The following FOXJ3 variants were observed in gnomAD, a reference collection of about 807,000 sequenced individuals.
FOXJ3 encodes the protein forkhead box protein J3.
FOXJ3 carries 22 observed loss-of-function variants against 76.1 expected under a neutral mutation model. That is an observed-to-expected ratio of 0.29 (90% CI 0.21 to 0.41). FOXJ3 has a LOEUF of 0.41. Among genes scored for constraint, FOXJ3 ranks in the 10% least tolerant of loss-of-function variants. FOXJ3 has a pLI of 1.00. For missense variants in FOXJ3, 613 were observed against 762.1 expected (o/e 0.80, Z 2.30); for synonymous variants, 269 against 261.2 (o/e 1.03, Z -0.29).
chr1:42,295,551 C>G (rs1352987832), intron 2 of FOXJ3, among the ~76,000 whole-genome samples: 1 of 110,002 alleles, frequency 9.1e-6, no homozygotes, highest in Non-Finnish European at 1.7e-5. Context: ...TTTGGTGAGA[C>G]ACAGTCTCAC....
At chr1:42,320,630 T>C (rs887269477) in intron 1 of FOXJ3, among the ~76,000 whole-genome samples, 1 of 152,182 alleles carries the variant, frequency 6.6e-6, no homozygotes, top group African/African-American at 2.4e-5. Context: ...AGGTATACGA[T>C]ATTAGATCAC....
At chr1:42,207,319 TTTTA>T (rs1646880321) in intron 5 of FOXJ3, among the ~76,000 whole-genome samples, 2 of 152,182 alleles carry the variant, frequency 1.3e-5, no homozygotes, top group African/African-American at 2.4e-5. Flanking sequence ...TCAGTTATAG[TTTTA>T]TTTTTCTTCC....
chr1:42,190,055 G>A (rs1055577574), intron 9 of FOXJ3, among the ~76,000 whole-genome samples: 4 of 152,204 alleles, frequency 2.6e-5, no homozygotes, highest in Admixed American at 2.6e-4. Context: ...ATGAATCCAC[G>A]TCAGGGCATT....
intron 5 of FOXJ3, among the ~76,000 whole-genome samples, chr1:42,218,503 G>A (rs181370948): frequency 6.6e-6 from 1 of 152,296 alleles, no homozygotes; most frequent in East Asian, 1.9e-4. Flanking sequence ...GGGCCAATAT[G>A]TTTAGGATAG....
At chr1:42,315,648 T>A (rs1452531524) in intron 1 of FOXJ3, among the ~76,000 whole-genome samples, 1 of 152,180 alleles carries the variant, frequency 6.6e-6, no homozygotes, top group Non-Finnish European at 1.5e-5. Context: ...CAAACATATA[T>A]CAGTCTTCTC....
At chr1:42,235,198 G>A (rs547771201) in intron 4 of FOXJ3, among the ~76,000 whole-genome samples, 116 of 152,316 alleles carry the variant, frequency 7.6e-4, no homozygotes, top group Non-Finnish European at 1.3e-3. Flanking sequence ...AGGACCCTCC[G>A]AGCCAGGCAC....
intron 5 of FOXJ3, among the ~76,000 whole-genome samples, chr1:42,216,178 C>T (rs571331790): frequency 6.6e-6 from 1 of 152,144 alleles, no homozygotes; most frequent in African/African-American, 2.4e-5. Flanking sequence ...CCTGGACCTT[C>T]TGAAACAAAT....
intron 4 of FOXJ3, among the ~76,000 whole-genome samples, chr1:42,260,478 A>G (rs1354585277): frequency 1.3e-5 from 2 of 152,154 alleles, no homozygotes; most frequent in Non-Finnish European, 2.9e-5. Flanking sequence ...AGGCAGGATG[A>G]TCACTTGAGG....
chr1:42,325,482 C>T (rs1655778778), intron 1 of FOXJ3, among the ~76,000 whole-genome samples: 1 of 152,156 alleles, frequency 6.6e-6, no homozygotes, highest in Non-Finnish European at 1.5e-5. Flanking sequence ...TGGCAGGGAC[C>T]CTGCCTTAGT....
At chr1:42,300,765 G>A (rs1654090131) in intron 2 of FOXJ3, among the ~76,000 whole-genome samples, 1 of 152,106 alleles carries the variant, frequency 6.6e-6, no homozygotes, top group Non-Finnish European at 1.5e-5. Context: ...CCAGCAGACT[G>A]AGACCCTGTC....
At chr1:42,328,914 G>A (rs1468952266) in intron 1 of FOXJ3, among the ~76,000 whole-genome samples, 1 of 151,954 alleles carries the variant, frequency 6.6e-6, no homozygotes, top group East Asian at 1.9e-4. Flanking sequence ...TGATCCGCCT[G>A]CCTCGGCCTC....
intron 1 of FOXJ3, among the ~76,000 whole-genome samples, chr1:42,327,772 ATCAATCTTATT>A (rs540297178): frequency 6.6e-6 from 1 of 152,304 alleles, no homozygotes; most frequent in East Asian, 1.9e-4. Flanking sequence ...CAATCAGAAG[ATCAATCTTATT>A]TCCTTAGTAA....
chr1:42,271,047 C>T (rs577562632), intron 3 of FOXJ3, among the ~76,000 whole-genome samples: 1 of 152,250 alleles, frequency 6.6e-6, no homozygotes, highest in South Asian at 2.1e-4. Flanking sequence ...TTCTTCCCTC[C>T]CAGCTTCTTT....
chr1:42,267,651 T>C (rs1194955355), intron 3 of FOXJ3, among the ~76,000 whole-genome samples: 1 of 151,712 alleles, frequency 6.6e-6, no homozygotes, highest in African/African-American at 2.4e-5. Context: ...ACTCAGGTGT[T>C]AGAACTATCA....
At chr1:42,262,347 T>C (rs1209515368) in intron 4 of FOXJ3, among the ~76,000 whole-genome samples, 1 of 152,232 alleles carries the variant, frequency 6.6e-6, no homozygotes, top group Non-Finnish European at 1.5e-5. Context: ...CTGTTCCTCA[T>C]CTACTGGCCT....
chr1:42,290,433 GA>G lies in FOXJ3; in HGVS notation c.45-11762del, dbSNP rs546915232. 7.6e-4 allele frequency among the ~76,000 whole-genome samples: 115 copies of G among 152,088 alleles called. 1 individual carries two copies. The highest frequency in any genetic ancestry group is 7.5e-4 in the Non-Finnish European group (51 of 67,984). On this transcript the variant is annotated intron_variant, in intron 2 of 12. Transcript: ENST00000361346. ...ATCATTAAAATTCCATGCATGGTAT[GA>G]AAAGGAGTGAAAAAATGTGAAGATA...
intron 2 of FOXJ3, among the ~76,000 whole-genome samples, chr1:42,290,259 A>G (rs1653333966): frequency 6.6e-6 from 1 of 152,124 alleles, no homozygotes; most frequent in Non-Finnish European, 1.5e-5. Context: ...ATAAGTAGGA[A>G]TAAGTTAAGC....
rs11554182 is a variant in FOXJ3 at position 42,177,854 on chromosome 1, T to C, written c.*1856A>G. On this transcript the variant is annotated 3_prime_UTR_variant, in exon 13 of 13. Transcript: ENST00000361346. Reference sequence around the variant, plus strand: ...AGTTCAAGTAGAGATTACTCAACCATAGAATCACTAAGGCTAATTAAAGTG... The same window carrying C: ...AGTTCAAGTAGAGATTACTCAACCACAGAATCACTAAGGCTAATTAAAGTG... 0.081 allele frequency: 12,320 copies of C among 152,426 alleles called. 675 individuals carry two copies. The highest frequency in any genetic ancestry group is 0.15 in the Middle Eastern group (45 of 294). 9.4% of individuals were successfully genotyped at this position (152,426 alleles called of 1,614,324 possible). A position where few individuals can be genotyped will look rare whatever the true frequency, so the allele number is the denominator to read the frequency against.
chr1:42,267,732 T>A (rs1434725593), intron 3 of FOXJ3, among the ~76,000 whole-genome samples: 1 of 152,038 alleles, frequency 6.6e-6, no homozygotes, highest in Non-Finnish European at 1.5e-5. Context: ...GACAACTTGC[T>A]TGCATAAAGA....
Sources: allele counts gnomAD v4.1 joint callset (sites outside exome capture counted in the v4.1 genomes callset), GRCh38; gene constraint gnomAD v4.1.1; transcripts MANE v1.5; gene names NCBI Gene and HGNC (gene_info 2026-07-23, HGNC 2026-07-21).